The following DMGDH variants were observed in gnomAD, a reference collection of about 807,000 sequenced individuals.
DMGDH encodes the protein dimethylglycine dehydrogenase, also known as dimethylglycine dehydrogenase, mitochondrial.
Under a neutral mutation model 95.2 loss-of-function variants are expected in DMGDH, and 76 were observed. The ratio of observed to expected loss-of-function variants is 0.80; its 90% CI spans 0.66 to 0.97. The LOEUF is 0.97. DMGDH is among the 50% of genes least tolerant of loss of function. DMGDH has a pLI of 0.00. For synonymous variants in DMGDH, 345 were observed against 377.6 expected (o/e 0.91, Z 1.00); for missense variants, 987 against 1,055.0 (o/e 0.94, Z 0.89).
chr5:79,006,004 C>T (rs986790110), intron 14 of DMGDH, among the ~76,000 whole-genome samples: 2 of 151,626 alleles, frequency 1.3e-5, no homozygotes, highest in Non-Finnish European at 2.9e-5. Flanking sequence ...GAGTTAGACA[C>T]AGACATTTTT....
intron 5 of DMGDH, among the ~76,000 whole-genome samples, chr5:79,047,146 ATTAAGT>A (rs1203474502): frequency 6.6e-6 from 1 of 152,150 alleles, no homozygotes; most frequent in Admixed American, 6.5e-5. Context: ...TCACCCACCC[ATTAAGT>A]TCAAGGGAAG....
Position 79,044,396 on chromosome 5 carries a change from C to T in DMGDH, c.902G>A (p.Arg301Gln), listed in dbSNP as rs747089244. The T allele has an allele frequency of 2.0e-5, 32 of 1,614,022 alleles. No individual in the cohort carries two copies. The highest frequency in any genetic ancestry group is 1.6e-4 in the Middle Eastern group (1 of 6,084). ...LRDLEGSYYL[R>Q]QERDGLLFGP... Reference sequence around the variant, plus strand: ...AAACAAAAGCCCATCCCTTTCCTGTCGGAGATAATATGATCCTTCCAGGTC... The same window carrying T: ...AAACAAAAGCCCATCCCTTTCCTGTTGGAGATAATATGATCCTTCCAGGTC... Residue 301 changes from arginine (R) to glutamine (Q), a missense_variant, in exon 6 of 16, where the codon CGA becomes CAA. Physicochemically the swap from Arg to Gln is conservative, Grantham distance 43. Coordinates refer to ENST00000255189, the MANE Select transcript of DMGDH (RefSeq NM_013391.3).
intron 14 of DMGDH, chr5:79,021,768 T>C: frequency 8.2e-7 from 1 of 1,225,582 alleles, no homozygotes; most frequent in Non-Finnish European, 1.1e-6. Flanking sequence ...ACAATATATG[T>C]TACCAGAGAG....
At chr5:79,050,622 A>G (rs188287369) in intron 5 of DMGDH, among the ~76,000 whole-genome samples, 1 of 152,300 alleles carries the variant, frequency 6.6e-6, no homozygotes, top group East Asian at 1.9e-4. Flanking sequence ...TCAAGAATCA[A>G]AAGGCCAGAT....
chr5:79,021,836 G>A (rs1753874749), intron 14 of DMGDH, among the ~76,000 whole-genome samples: 1 of 152,168 alleles, frequency 6.6e-6, no homozygotes, highest in South Asian at 2.1e-4. Context: ...AGGACTTTGT[G>A]GGGGAAAGTG....
intron 6 of DMGDH, among the ~76,000 whole-genome samples, 186 bp downstream of exon 6, chr5:79,044,118 A>C (rs2112647651): frequency 6.6e-6 from 1 of 152,112 alleles, no homozygotes; most frequent in South Asian, 2.1e-4. Flanking sequence ...CTTTTCCCCT[A>C]CTCCCTGCTG....
At chr5:79,028,359 T>A in intron 12 of DMGDH, 74 bp downstream of exon 12, 1 of 1,308,624 alleles carries the variant, frequency 7.6e-7, no homozygotes, top group East Asian at 2.5e-5. Context: ...CATGACCTTT[T>A]AATTTTAAAT....
Position 79,065,507 on chromosome 5 carries a change from C to G in DMGDH, c.102-1720G>C, listed in dbSNP as rs112479448. On this transcript the variant is annotated intron_variant, in intron 1 of 15. Transcript: ENST00000255189. ...GATTACAGGCATGAGCCACCATGCC[C>G]GGCCAGAGCTGTCATGTCTTATGAT... is the stretch of plus-strand genomic sequence containing the variant. Among the ~76,000 whole-genome samples the G allele has an allele frequency of 7.5e-3, 1,144 of 152,258 alleles. 10 individuals are homozygous for G. The highest frequency in any genetic ancestry group is 0.026 in the African/African-American group (1,073 of 41,560).
At chr5:79,048,215 C>T (rs1580218339) in intron 5 of DMGDH, among the ~76,000 whole-genome samples, 1 of 152,048 alleles carries the variant, frequency 6.6e-6, no homozygotes, top group East Asian at 1.9e-4. Context: ...AGCTTATTTA[C>T]TACCCATAAT....
At position 79,044,362 on chromosome 5, in the gene DMGDH, A is replaced by T. The variant is rs753062761; in HGVS notation, c.936T>A (p.Tyr312Ter). ...QERDGLLFGP[Y>*]ESQEKMKVQD... ...GAACTTTCATTTTCTCTTGACTTTC[A>T]TATGGACCAAACAAAAGCCCATCCC... The change falls in exon 6 of 16, where the codon TAT becomes TAA. Residue 312 changes from tyrosine to a stop codon, truncating the protein, a stop_gained. Transcript: ENST00000255189. LOFTEE classifies it high-confidence loss of function. 1 of 1,614,096 alleles carries T rather than the reference A, an allele frequency of 6.2e-7. No individual in the cohort carries two copies. The highest frequency in any genetic ancestry group is 8.5e-7 in the Non-Finnish European group (1 of 1,180,036).
At chr5:79,009,282 A>AT (rs1753600664) in intron 14 of DMGDH, among the ~76,000 whole-genome samples, 1 of 148,224 alleles carries the variant, frequency 6.7e-6, no homozygotes, top group Non-Finnish European at 1.5e-5. Flanking sequence ...GAAATAAAAC[A>AT]TATTCTAACA....
chr5:79,008,193 G>C lies in DMGDH; in HGVS notation c.2251-2786C>G, dbSNP rs185392142. Among the ~76,000 whole-genome samples, 25 of 152,306 alleles carry C rather than the reference G, an allele frequency of 1.6e-4. No individual in the cohort carries two copies. The East Asian group carries it at 4.8e-3, about 29-fold the overall frequency. On this transcript the variant is annotated intron_variant, in intron 14 of 15. Coordinates refer to ENST00000255189, the MANE Select transcript of DMGDH (RefSeq NM_013391.3). ...ATGCAAACAAATAGAAGCTTTGATAGAGGTATGGACAGTGGGGGCCCAAGG... is the reference window on the plus strand; with the variant it reads ...ATGCAAACAAATAGAAGCTTTGATACAGGTATGGACAGTGGGGGCCCAAGG...
rs575469865 is a variant in DMGDH at position 79,038,289 on chromosome 5, GC to G, written c.1193+3993del. Among the ~76,000 whole-genome samples, 380 of 152,196 alleles carry G rather than the reference GC, an allele frequency of 2.5e-3. 1 individual carries two copies. Among genetic ancestry groups the G allele is most frequent in the Middle Eastern group, 0.01 (3 of 294 alleles). ...ACTTGAGGTCAGGAGTTTGAGACCA[GC>G]CTGGCCAAAATGGGAAAACCCCATC... On this transcript the variant is annotated intron_variant, in intron 7 of 15. Transcript: ENST00000255189.
At chr5:79,039,747 C>G (rs560335792) in intron 7 of DMGDH, among the ~76,000 whole-genome samples, 1 of 152,142 alleles carries the variant, frequency 6.6e-6, no homozygotes, top group South Asian at 2.1e-4. Context: ...AACTTTCAGT[C>G]TCACTCCCTA....
intron 7 of DMGDH, among the ~76,000 whole-genome samples, chr5:79,035,056 CAAAAAAAAAAAA>C (rs10586049): frequency 1.3e-5 from 1 of 78,350 alleles, no homozygotes. Flanking sequence ...GACTCCATCT[CAAAAAAAAAAAA>C]AAAAAAAAAA....
chr5:79,069,508 G>A lies in DMGDH; in HGVS notation c.101+12C>T. 1.6e-6 allele frequency: 2 copies of A among 1,277,894 alleles called. No homozygotes were observed. Among genetic ancestry groups the A allele is most frequent in the Non-Finnish European group, 2.0e-6 (2 of 1,012,336 alleles). 79.2% of individuals were successfully genotyped at this position (1,277,894 alleles called of 1,614,324 possible). A position where few individuals can be genotyped will look rare whatever the true frequency, so the allele number is the denominator to read the frequency against. ...GCCCCGTCGCCTCTGAGCAGGACGG[G>A]GCCCCACTCACCCTTCCCGGCCGCA... On this transcript the variant is annotated intron_variant, in intron 1 of 15. Coordinates refer to ENST00000255189, the MANE Select transcript of DMGDH (RefSeq NM_013391.3).
chr5:79,055,638 A>G (rs934356507), intron 3 of DMGDH, among the ~76,000 whole-genome samples, 172 bp downstream of exon 3: 1 of 152,232 alleles, frequency 6.6e-6, no homozygotes, highest in Non-Finnish European at 1.5e-5. Context: ...TGAGAAATTA[A>G]GTTGATTTTA....
rs2112619819 is a variant in DMGDH, at chr5:79,026,499, C to T, written c.2115G>A (p.Glu705=). 2.5e-6 allele frequency: 4 copies of T among 1,614,164 alleles called. No homozygotes were observed. Among genetic ancestry groups the T allele is most frequent in the Non-Finnish European group, 2.5e-6 (3 of 1,180,030 alleles). The change falls in exon 13 of 16, where the codon GAG becomes GAA. Residue 705 remains glutamate, a synonymous_variant. Transcript: ENST00000255189. ...CATAGGTTCCAAAATTGTCGATTCC[C>T]TCCTCCTGGCCTGCATTCATGATAG... ...YDAIMNAGQE[E]GIDNFGTYAM... is the part of the protein sequence containing the mutation.
At chr5:79,056,779 C>T (rs777166097) in intron 2 of DMGDH, among the ~76,000 whole-genome samples, 7 of 148,832 alleles carry the variant, frequency 4.7e-5, no homozygotes, top group East Asian at 4.0e-4. Context: ...AGCTTGAACC[C>T]GGGAGGCATA....
Sources: gnomAD v4.1 joint callset for allele counts (sites outside exome capture counted in the v4.1 genomes callset) on GRCh38, gnomAD v4.1.1 for gene constraint, MANE v1.5 for transcripts, NCBI Gene and HGNC (gene_info 2026-07-23, HGNC 2026-07-21) for gene names.